ADGRB3: variants seen among roughly 807,000 people sequenced by gnomAD.
ADGRB3 encodes brain-specific angiogenesis inhibitor 3.
ADGRB3 carries 37 observed loss-of-function variants against 193.4 expected under a neutral mutation model. The observed-to-expected ratio is 0.19, with a 90% CI of 0.15 to 0.25. The LOEUF is 0.25. ADGRB3 is among the 10% of genes least tolerant of loss of function. The pLI, the probability that ADGRB3 is intolerant of heterozygous loss-of-function variation, is 1.00. For synonymous variants in ADGRB3, 690 were observed against 644.2 expected (o/e 1.07, Z -1.08); for missense variants, 1,637 against 1,852.9 (o/e 0.88, Z 2.14).
chr6:68,755,605 T>C lies in ADGRB3; in HGVS notation c.757+116173T>C, dbSNP rs578060180. On this transcript the variant is annotated intron_variant, in intron 3 of 31. Transcript: ENST00000370598. ...CTCTATGGAAGGTGAACAATAAAAATGAATCAAGATGATGAGAGTTTGAAG... is the reference window on the plus strand; with the variant it reads ...CTCTATGGAAGGTGAACAATAAAAACGAATCAAGATGATGAGAGTTTGAAG... Among the ~76,000 whole-genome samples the C allele has an allele frequency of 3.8e-4, 58 of 152,166 alleles. 2 individuals carry two copies. In the South Asian group the frequency reaches 5.0e-3, roughly 13 times the overall value.
intron 21 of ADGRB3, 120 bp from the exon 22 acceptor site, chr6:69,327,700 T>A: frequency 1.6e-6 from 1 of 630,508 alleles, no homozygotes. Flanking sequence ...CCTTGTGAAG[T>A]GACTCATCCA....
intron 17 of ADGRB3, among the ~76,000 whole-genome samples, chr6:69,114,608 G>A (rs1443785951): frequency 6.6e-6 from 1 of 152,102 alleles, no homozygotes; most frequent in African/African-American, 2.4e-5. Flanking sequence ...GATTGGTATT[G>A]CCTAGGCTTT....
At chr6:68,970,596 G>C (rs1324947315) in intron 8 of ADGRB3, among the ~76,000 whole-genome samples, 1 of 152,162 alleles carries the variant, frequency 6.6e-6, no homozygotes, top group Non-Finnish European at 1.5e-5. Flanking sequence ...ATGAGCCACT[G>C]TGCCTGTCCC....
chr6:68,842,380 T>C (rs1320465291), intron 3 of ADGRB3, among the ~76,000 whole-genome samples: 1 of 151,832 alleles, frequency 6.6e-6, no homozygotes, highest in Non-Finnish European at 1.5e-5. Context: ...GAGGCTAATG[T>C]TAGGAACTAT....
At position 69,040,675 on chromosome 6, in the gene ADGRB3, CAAAAAAAAAAAAAAAAA is replaced by C. The variant is rs869146684; in HGVS notation, c.2108-7492_2108-7476del. On this transcript the variant is annotated intron_variant, in intron 13 of 31. Coordinates refer to ENST00000370598, the MANE Select transcript of ADGRB3 (RefSeq NM_001704.3). ...CCCAGGCTTTGAAATGACTGATGGA[CAAAAAAAAAAAAAAAAA>C]AAAAAAAAAAAAAAAAACAAACAAG... 0.01 allele frequency among the ~76,000 whole-genome samples: 196 copies of C among 19,524 alleles called. No homozygotes were observed. The Middle Eastern group carries it at 0.19, about 19-fold the overall frequency. The allele number at this position is 19,524 out of a possible 152,430, so 12.8% of individuals were successfully genotyped here.
intron 11 of ADGRB3, among the ~76,000 whole-genome samples, chr6:69,008,710 C>T (rs1769845476): frequency 6.6e-6 from 1 of 152,052 alleles, no homozygotes; most frequent in Non-Finnish European, 1.5e-5. Flanking sequence ...GAGGCCCATT[C>T]CTTGCTTGTT....
At chr6:68,976,456 TA>T (rs1481277043) in intron 10 of ADGRB3, among the ~76,000 whole-genome samples, 1 of 152,082 alleles carries the variant, frequency 6.6e-6, no homozygotes, top group Non-Finnish European at 1.5e-5. Flanking sequence ...ATGTGGCCGT[TA>T]GGGGCGCCAA....
intron 20 of ADGRB3, among the ~76,000 whole-genome samples, chr6:69,322,459 A>G (rs1485924121): frequency 6.6e-6 from 1 of 151,894 alleles, no homozygotes; most frequent in Admixed American, 6.6e-5. Context: ...AACCATTTAC[A>G]ATTCCACCAA....
At chr6:69,322,858 G>T (rs1052978812) in intron 20 of ADGRB3, among the ~76,000 whole-genome samples, 2 of 151,864 alleles carry the variant, frequency 1.3e-5, no homozygotes, top group Admixed American at 1.3e-4. Flanking sequence ...AGCTATTGTA[G>T]AATACTATTG....
chr6:69,372,241 A>C (rs1769721158), intron 29 of ADGRB3, among the ~76,000 whole-genome samples, 165 bp from the exon 30 acceptor site: 1 of 152,000 alleles, frequency 6.6e-6, no homozygotes, highest in Admixed American at 6.6e-5. Context: ...GAAATCATAA[A>C]ATTTTTCATG....
intron 15 of ADGRB3, among the ~76,000 whole-genome samples, chr6:69,061,277 A>G (rs945915957): frequency 1.3e-5 from 2 of 152,008 alleles, no homozygotes; most frequent in African/African-American, 2.4e-5. Flanking sequence ...ACAGGTGTAT[A>G]GTTCCTCTGC....
intron 20 of ADGRB3, among the ~76,000 whole-genome samples, chr6:69,269,642 C>T (rs941739423): frequency 4.6e-5 from 7 of 152,052 alleles, no homozygotes; most frequent in Admixed American, 3.9e-4. Context: ...AAAATAATAT[C>T]GTGACTGATG....
chr6:68,882,884 G>A (rs1765770730), intron 3 of ADGRB3, among the ~76,000 whole-genome samples: 1 of 149,246 alleles, frequency 6.7e-6, no homozygotes, highest in Admixed American at 6.7e-5. Flanking sequence ...TCTATTACTA[G>A]TTTTTTTTTT....
Position 69,063,049 on chromosome 6 carries a change from C to T in ADGRB3, c.2436+13C>T. On this transcript the variant is annotated intron_variant, in intron 16 of 31. Transcript: ENST00000370598. ...TCATTTGGCTAATGTAAGTACCATCCACTGGGCACTGACTTGCTTATGGAA... is the reference window on the plus strand; with the variant it reads ...TCATTTGGCTAATGTAAGTACCATCTACTGGGCACTGACTTGCTTATGGAA... The T allele has an allele frequency of 6.4e-7, 1 of 1,567,430 alleles. No homozygotes were observed. The highest frequency in any genetic ancestry group is 8.8e-7 in the Non-Finnish European group (1 of 1,138,576).
intron 20 of ADGRB3, among the ~76,000 whole-genome samples, chr6:69,289,446 A>C (rs907573802): frequency 6.6e-6 from 1 of 152,180 alleles, no homozygotes; most frequent in Non-Finnish European, 1.5e-5. Context: ...AGGAGGAGTC[A>C]TTGCCTCCAC....
chr6:69,228,614 T>G (rs543305355), intron 17 of ADGRB3, among the ~76,000 whole-genome samples: 1 of 152,190 alleles, frequency 6.6e-6, no homozygotes, highest in Non-Finnish European at 1.5e-5. Flanking sequence ...AACTGTCCTT[T>G]CTGGTGATGG....
At chr6:69,195,522 C>CA (rs542731165) in intron 17 of ADGRB3, among the ~76,000 whole-genome samples, 6,121 of 64,494 alleles carry the variant, frequency 0.095, 249 homozygotes, top group African/African-American at 0.098. Context: ...TATCCTGTCT[C>CA]AAAAAAAAAA....
In ADGRB3 at chr6:68,717,938, C is replaced by T. The variant is rs979084913; in HGVS notation, c.757+78506C>T. Among the ~76,000 whole-genome samples the T allele has an allele frequency of 2.3e-4, 35 of 151,526 alleles. 1 individual carries two copies. The highest frequency in any genetic ancestry group is 7.7e-4 in the African/African-American group (32 of 41,436). On this transcript the variant is annotated intron_variant, in intron 3 of 31. Transcript: ENST00000370598. ...GATGGATAAAATCTCAATGTTGAAA[C>T]GATATAATGAACACAATCTATTCAC...
intron 3 of ADGRB3, among the ~76,000 whole-genome samples, chr6:68,705,517 A>T (rs1162801282): frequency 6.6e-6 from 1 of 152,190 alleles, no homozygotes; most frequent in Non-Finnish European, 1.5e-5. Context: ...GAATCAAACA[A>T]TCTAGGCTTC....
Sources: gnomAD v4.1 joint callset for allele counts (sites outside exome capture counted in the v4.1 genomes callset) on GRCh38, gnomAD v4.1.1 for gene constraint, MANE v1.5 for transcripts, NCBI Gene and HGNC (gene_info 2026-07-23, HGNC 2026-07-21) for gene names.